The following NRCAM variants were observed in gnomAD, a reference collection of about 807,000 sequenced individuals.
The protein encoded by NRCAM is NgCAM-related cell adhesion molecule.
Under a neutral mutation model 156.5 loss-of-function variants are expected in NRCAM, and 83 were observed. The observed-to-expected ratio is 0.53, with a 90% confidence interval of 0.44 to 0.64. NRCAM has a LOEUF of 0.64. Ranked by LOEUF, NRCAM falls within the 30% of genes least tolerant of loss-of-function variation. NRCAM has a pLI of 0.00. For synonymous variants in NRCAM, 538 were observed against 563.9 expected (o/e 0.95, Z 0.65); for missense variants, 1,417 against 1,597.3 (o/e 0.89, Z 1.92).
At chr7:108,453,609 C>CT (rs1563881935) in intron 1 of NRCAM, among the ~76,000 whole-genome samples, 1 of 152,304 alleles carries the variant, frequency 6.6e-6, no homozygotes, top group East Asian at 1.9e-4. Flanking sequence ...ACAATGTTGC[C>CT]TGAGTCCTCT....
chr7:108,327,679 C>CA (rs1240789142), intron 2 of NRCAM, among the ~76,000 whole-genome samples: 1 of 152,156 alleles, frequency 6.6e-6, no homozygotes, highest in African/African-American at 2.4e-5. Context: ...CTAAAGCTAA[C>CA]ACATCCAATT....
chr7:108,271,726 G>A lies in NRCAM; in HGVS notation c.-106-31556C>T, dbSNP rs554711646. On this transcript the variant is annotated intron_variant, in intron 3 of 32. Coordinates refer to ENST00000379028, the MANE Select transcript of NRCAM (RefSeq NM_001037132.4). The stretch of plus-strand genomic sequence containing the variant: ...AAAAAAAGAACCTAACAAACTGACC[G>A]TGAGATTACCATAGGGTAACCTGAA... 4.0e-5 allele frequency among the ~76,000 whole-genome samples: 6 copies of A among 150,970 alleles called. No individual in the cohort carries two copies. The South Asian group carries it at 1.0e-3, about 26-fold the overall frequency.
intron 29 of NRCAM, 37 bp downstream of exon 29, chr7:108,168,240 C>A: frequency 1.4e-6 from 2 of 1,468,936 alleles, no homozygotes; most frequent in South Asian, 3.1e-5. Flanking sequence ...AAATGCATCC[C>A]CCAAATTAAA....
intron 11 of NRCAM, among the ~76,000 whole-genome samples, chr7:108,222,673 C>G (rs1053610531): frequency 1.3e-5 from 2 of 152,052 alleles, no homozygotes; most frequent in Non-Finnish European, 2.9e-5. Context: ...CCTCGGCCAG[C>G]GGAGGCCTCC....
Position 108,181,921 on chromosome 7 carries a change from A to C in NRCAM, c.2547T>G (p.Pro849=). ...TCACCACATTCACACGCACGTTCCC[A>C]GGAGCCACCATTGGGACTAGGAAAA... is the stretch of plus-strand genomic sequence containing the variant. ...HSGEDLPMVA[P]GNVRVNVVNS... is the part of the protein sequence containing the mutation. Residue 849 remains proline, a synonymous_variant, in exon 24 of 33, where the codon CCT becomes CCG. Coordinates refer to ENST00000379028, the MANE Select transcript of NRCAM (RefSeq NM_001037132.4). The C allele has an allele frequency of 6.2e-7, 1 of 1,613,888 alleles. No homozygotes were observed. The highest frequency in any genetic ancestry group is 8.5e-7 in the Non-Finnish European group (1 of 1,179,796).
chr7:108,334,594 C>T (rs2099159971), intron 2 of NRCAM, among the ~76,000 whole-genome samples: 2 of 152,148 alleles, frequency 1.3e-5, no homozygotes, highest in Non-Finnish European at 2.9e-5. Context: ...TCTCTTTCTT[C>T]AACAACAAGA....
rs190668638 is a variant in NRCAM, at chr7:108,181,505, G to A, written c.2646+317C>T. On this transcript the variant is annotated intron_variant, in intron 24 of 32. Transcript: ENST00000379028. ...CACATGTGGTCCATATTGCTTTAAAGCTAGCTAGAGTTGGTAATATTCTAG... is the reference window on the plus strand; with the variant it reads ...CACATGTGGTCCATATTGCTTTAAAACTAGCTAGAGTTGGTAATATTCTAG... Among the ~76,000 whole-genome samples the A allele has an allele frequency of 1.6e-3, 251 of 152,254 alleles. 1 individual carries two copies. Among genetic ancestry groups the A allele is most frequent in the African/African-American group, 5.7e-3 (236 of 41,540 alleles).
intron 3 of NRCAM, among the ~76,000 whole-genome samples, chr7:108,263,347 G>A (rs2096955429): frequency 6.6e-6 from 1 of 152,118 alleles, no homozygotes. Context: ...TCCAAGTGTG[G>A]GATGAGAATA....
intron 2 of NRCAM, among the ~76,000 whole-genome samples, chr7:108,357,276 C>G (rs2099510850): frequency 6.6e-6 from 1 of 151,382 alleles, no homozygotes; most frequent in African/African-American, 2.4e-5. Flanking sequence ...TTCATTATCC[C>G]TAAATCATTT....
chr7:108,295,072 G>A (rs535805398), intron 3 of NRCAM, among the ~76,000 whole-genome samples: 21 of 152,182 alleles, frequency 1.4e-4, no homozygotes, highest in Non-Finnish European at 2.9e-4. Context: ...GTGATTAAAT[G>A]ATGAAGAGAT....
intron 1 of NRCAM, among the ~76,000 whole-genome samples, chr7:108,413,357 GC>G (rs1000620840): frequency 6.6e-6 from 1 of 152,024 alleles, no homozygotes; most frequent in African/African-American, 2.4e-5. Context: ...CAGGTGCTTT[GC>G]CCATTTTTTT....
At chr7:108,375,706 G>A (rs1023885841) in intron 2 of NRCAM, among the ~76,000 whole-genome samples, 5 of 152,084 alleles carry the variant, frequency 3.3e-5, no homozygotes, top group South Asian at 2.1e-4. Context: ...GCAAGTATAC[G>A]GAAATTAGTT....
chr7:108,333,796 C>G (rs1280262734), intron 2 of NRCAM, among the ~76,000 whole-genome samples: 2 of 152,136 alleles, frequency 1.3e-5, no homozygotes, highest in Non-Finnish European at 2.9e-5. Context: ...ACTCTTTTAA[C>G]TGACTTTACT....
intron 12 of NRCAM, among the ~76,000 whole-genome samples, chr7:108,208,551 T>A (rs893850806): frequency 1.3e-5 from 2 of 152,206 alleles, no homozygotes; most frequent in Non-Finnish European, 2.9e-5. Context: ...TGCATTAATG[T>A]CTTGTTTCTG....
At chr7:108,157,309 T>C (rs1024959242) in intron 32 of NRCAM, among the ~76,000 whole-genome samples, 2 of 152,086 alleles carry the variant, frequency 1.3e-5, no homozygotes, top group Admixed American at 1.3e-4. Flanking sequence ...TTGAAAACAC[T>C]TTACCAACAT....
chr7:108,444,433 TTGCCGGGGC>T (rs1842238202), intron 1 of NRCAM, among the ~76,000 whole-genome samples: 1 of 152,158 alleles, frequency 6.6e-6, no homozygotes. Flanking sequence ...CTGTATTAGT[TTGCCGGGGC>T]TGCTGTAACA....
intron 3 of NRCAM, among the ~76,000 whole-genome samples, chr7:108,269,696 T>A (rs1004227186): frequency 6.6e-6 from 1 of 152,218 alleles, no homozygotes; most frequent in African/African-American, 2.4e-5. Context: ...GCTTGAATAA[T>A]AAACTCCATT....
chr7:108,194,487 A>G, intron 15 of NRCAM, 59 bp from the exon 16 acceptor site: 1 of 1,183,814 alleles, frequency 8.4e-7, no homozygotes, highest in Non-Finnish European at 1.2e-6. Context: ...GAAGTCAGAC[A>G]TAAAATGCCA....
intron 3 of NRCAM, among the ~76,000 whole-genome samples, chr7:108,310,926 A>G (rs2154180182): frequency 6.6e-6 from 1 of 152,318 alleles, no homozygotes; most frequent in South Asian, 2.1e-4. Context: ...TTGTTGCTCT[A>G]GAAGACAGAG....
Sources: allele counts gnomAD v4.1 joint callset (sites outside exome capture counted in the v4.1 genomes callset), GRCh38; gene constraint gnomAD v4.1.1; transcripts MANE v1.5; gene names NCBI Gene and HGNC (gene_info 2026-07-23, HGNC 2026-07-21).